The following PCLO variants were observed in gnomAD, a reference collection of about 807,000 sequenced individuals.
The protein encoded by PCLO is piccolo presynaptic cytomatrix protein.
PCLO carries 82 observed loss-of-function variants against 427.5 expected under a neutral mutation model. The observed-to-expected ratio is 0.19, with a 90% CI of 0.16 to 0.23. The LOEUF (loss-of-function observed/expected upper bound fraction) is 0.23. Among genes scored for constraint, PCLO ranks in the 10% least tolerant of loss-of-function variants. The pLI is 1.00. For synonymous variants in PCLO, 2,357 were observed against 2,155.4 expected, an observed-to-expected ratio of 1.09 and a Z score of -2.59; for missense variants, 6,239 against 6,115.9, an observed-to-expected ratio of 1.02 and a Z score of -0.67.
chr7:82,963,185 T>C (rs1276841761), intron 4 of PCLO, among the ~76,000 whole-genome samples: 1 of 152,072 alleles, frequency 6.6e-6, no homozygotes, highest in Non-Finnish European at 1.5e-5. Context: ...TTGGAAATTA[T>C]CATATGATTA....
At chr7:83,093,222 T>C (rs543041813) in intron 3 of PCLO, among the ~76,000 whole-genome samples, 1 of 151,556 alleles carries the variant, frequency 6.6e-6, no homozygotes, top group South Asian at 2.1e-4. Context: ...GCAAAATGTT[T>C]CCATATTCAA....
intron 10 of PCLO, among the ~76,000 whole-genome samples, chr7:82,875,597 A>G (rs1793350438): frequency 6.6e-6 from 1 of 152,078 alleles, no homozygotes; most frequent in Non-Finnish European, 1.5e-5. Flanking sequence ...GCTAGAAGGA[A>G]TTTGAAAATA....
At chr7:82,823,756 T>C (rs1344866068) in intron 19 of PCLO, among the ~76,000 whole-genome samples, 3 of 152,216 alleles carry the variant, frequency 2.0e-5, no homozygotes, top group African/African-American at 7.2e-5. Flanking sequence ...GGGGAAAATA[T>C]TCTTTGTATG....
At chr7:82,862,715 A>G (rs1182160797) in intron 10 of PCLO, among the ~76,000 whole-genome samples, 1 of 152,000 alleles carries the variant, frequency 6.6e-6, no homozygotes, top group Non-Finnish European at 1.5e-5. Context: ...CATGGATGGA[A>G]CTGGAGATCA....
At chr7:83,079,276 T>A (rs909923648) in intron 3 of PCLO, among the ~76,000 whole-genome samples, 1 of 152,126 alleles carries the variant, frequency 6.6e-6, no homozygotes, top group Non-Finnish European at 1.5e-5. Context: ...AAAACCAACA[T>A]AAAAACTACA....
intron 3 of PCLO, among the ~76,000 whole-genome samples, chr7:83,011,614 AAC>A (rs201217464): frequency 6.6e-5 from 10 of 152,080 alleles, no homozygotes; most frequent in Middle Eastern, 3.4e-3. Context: ...GAAAAAAAAA[AAC>A]AAATCCTAAG....
intron 3 of PCLO, among the ~76,000 whole-genome samples, chr7:83,030,000 T>C (rs1457292878): frequency 7.0e-6 from 1 of 143,146 alleles, no homozygotes; most frequent in African/African-American, 2.6e-5. Flanking sequence ...TTGGGAGATA[T>C]ACCTAATGCT....
Position 82,954,348 on chromosome 7 carries a change from G to A in PCLO, c.6605C>T (p.Thr2202Ile), listed in dbSNP as rs772515820. 12 of 1,613,730 alleles carry A rather than the reference G, an allele frequency of 7.4e-6. No homozygotes were observed. The highest frequency in any genetic ancestry group is 1.0e-5 in the Non-Finnish European group (12 of 1,179,786). Residue 2202 changes from threonine (T) to isoleucine (I), a missense_variant, in exon 5 of 25, where the codon ACC becomes ATC. Physicochemically the swap from Thr to Ile is moderately conservative, Grantham distance 89. Transcript: ENST00000333891. ...ATAAACTGTGGTTATGCTATCCAGG[G>A]TAGTAATGGGTGAAGAGCTATCTGT... is the stretch of plus-strand genomic sequence containing the variant. ...CTTDSSSPIT[T>I]LDSITTVYTE...
rs367870104 is a variant in PCLO at position 82,952,318 on chromosome 7, C to T, written c.8635G>A (p.Val2879Ile). Residue 2879 changes from valine (V) to isoleucine (I), a missense_variant, in exon 5 of 25, where the codon GTC becomes ATC. Physicochemically the swap from Val to Ile is conservative, Grantham distance 29 (BLOSUM62 3). Around this residue, in one of 5 missense-constraint regions of PCLO, gnomAD observed 4,677 missense variants for 4,468.4 expected, o/e 1.05. Transcript: ENST00000333891. ...TKPVTVPPVG[V>I]TNGWTDSTVS... The stretch of plus-strand genomic sequence containing the variant: ...GTGCTATCAGTCCATCCATTTGTGA[C>T]ACCAACAGGAGGCACAGTGACAGGT... 1 of 1,613,858 alleles carries T rather than the reference C, an allele frequency of 6.2e-7. No individual in the cohort carries two copies. The highest frequency in any genetic ancestry group is 1.3e-5 in the African/African-American group (1 of 74,926).
At chr7:83,130,934 T>C (rs1452996476) in intron 3 of PCLO, among the ~76,000 whole-genome samples, 1 of 152,240 alleles carries the variant, frequency 6.6e-6, no homozygotes, top group Non-Finnish European at 1.5e-5. Flanking sequence ...ACATATTTAC[T>C]TTTAAATATT....
intron 3 of PCLO, among the ~76,000 whole-genome samples, chr7:83,014,163 G>C (rs990742762): frequency 6.6e-6 from 1 of 152,050 alleles, no homozygotes; most frequent in Non-Finnish European, 1.5e-5. Flanking sequence ...AGTCTTCATA[G>C]AAAGGCAAGA....
chr7:83,019,843 C>T (rs550819224), intron 3 of PCLO, among the ~76,000 whole-genome samples: 1 of 151,894 alleles, frequency 6.6e-6, no homozygotes, highest in Admixed American at 6.6e-5. Context: ...ACTGAAGCAG[C>T]GGCAAAGGAA....
intron 22 of PCLO, among the ~76,000 whole-genome samples, chr7:82,771,747 G>T (rs1236768592): frequency 2.0e-5 from 3 of 151,982 alleles, no homozygotes; most frequent in African/African-American, 4.8e-5. Flanking sequence ...ATTCATGTGT[G>T]TACTCCTAGG....
chr7:83,139,045 T>C (rs1021634231), intron 2 of PCLO, among the ~76,000 whole-genome samples: 1 of 152,192 alleles, frequency 6.6e-6, no homozygotes, highest in Admixed American at 6.5e-5. Context: ...AAAACAATTA[T>C]CTTTATATAA....
intron 3 of PCLO, among the ~76,000 whole-genome samples, chr7:83,034,453 G>A (rs1272377227): frequency 6.6e-6 from 1 of 152,198 alleles, no homozygotes; most frequent in Non-Finnish European, 1.5e-5. Flanking sequence ...CCCCCACAGT[G>A]CTGGGATTAT....
chr7:82,870,707 G>A (rs927499026), intron 10 of PCLO, among the ~76,000 whole-genome samples: 1 of 151,686 alleles, frequency 6.6e-6, no homozygotes. Context: ...GGGATGAATA[G>A]GTAGAATGTA....
intron 8 of PCLO, among the ~76,000 whole-genome samples, chr7:82,906,006 TATAGATAGATAGATAGATAG>T (rs35608595): frequency 8.1e-4 from 119 of 146,734 alleles, no homozygotes; most frequent in African/African-American, 2.8e-3. Flanking sequence ...AGGTTAAGCA[TATAGATAGATAGATAGATAG>T]ATAGATAGAT....
intron 1 of PCLO, among the ~76,000 whole-genome samples, chr7:83,159,309 A>G (rs73180572): frequency 0.25 from 38,364 of 151,996 alleles, 5,217 homozygotes; most frequent in Middle Eastern, 0.34. Context: ...CCCAGTAGGG[A>G]AGGCTGAAAG....
intron 3 of PCLO, among the ~76,000 whole-genome samples, chr7:83,037,397 A>G (rs775664923): frequency 2.6e-5 from 4 of 152,176 alleles, no homozygotes; most frequent in Admixed American, 6.6e-5. Flanking sequence ...AAGACGCTCT[A>G]TAAGTGTTAA....
Sources: allele counts gnomAD v4.1 joint callset (sites outside exome capture counted in the v4.1 genomes callset), GRCh38; gene constraint gnomAD v4.1.1; regional missense constraint gnomAD v4.1.1; transcripts MANE v1.5; gene names NCBI Gene and HGNC (gene_info 2026-07-23, HGNC 2026-07-21).